Variants in CLASP1 observed in about 807,000 individuals in gnomAD.
CLASP1 encodes the protein cytoplasmic linker associated protein 1.
Under a neutral mutation model 192.3 loss-of-function variants are expected in CLASP1, and 38 were observed. That is an observed-to-expected ratio of 0.20 (90% CI 0.15 to 0.26). The LOEUF (loss-of-function observed/expected upper bound fraction) is 0.26. CLASP1 is among the 10% of genes least tolerant of loss of function. CLASP1 has a pLI of 1.00. For missense variants in CLASP1, 1,433 were observed against 1,932.5 expected (o/e 0.74, Z 4.85); for synonymous variants, 691 against 712.8 (o/e 0.97, Z 0.49).
intron 29 of CLASP1, 99 bp from the exon 31 acceptor site, chr2:121,397,382 G>T (rs1332918756): frequency 3.0e-6 from 3 of 988,144 alleles, no homozygotes; most frequent in African/African-American, 3.2e-5. Context: ...TGGTGAGGGG[G>T]ATCTCCTTCC....
chr2:121,497,111 G>C (rs2093566587), intron 8 of CLASP1, among the ~76,000 whole-genome samples: 1 of 152,134 alleles, frequency 6.6e-6, no homozygotes, highest in African/African-American at 2.4e-5. Flanking sequence ...ATGTATATAA[G>C]TGTATTTATT....
At position 121,419,531 on chromosome 2, in the gene CLASP1, G is replaced by C. The variant is rs373475453; in HGVS notation, c.2213-802C>G. Among the ~76,000 whole-genome samples the C allele has an allele frequency of 1.1e-4, 16 of 152,220 alleles. No individual in the cohort carries two copies. In the East Asian group the frequency reaches 2.3e-3, roughly 22 times the overall value. On this transcript the variant is annotated intron_variant, in intron 22 of 39. Coordinates refer to ENST00000263710, the Ensembl canonical transcript of CLASP1. ...TCAATACTCTCAGTATTTGGGGAAA[G>C]ATCTCTCCACTGACCTGAGAACAGC...
chr2:121,521,481 C>T (rs1347924824), intron 6 of CLASP1, among the ~76,000 whole-genome samples: 2 of 152,158 alleles, frequency 1.3e-5, no homozygotes, highest in Non-Finnish European at 2.9e-5. Flanking sequence ...CCCAAGACTC[C>T]GGCTCCGAGC....
At chr2:121,448,149 C>T (rs946669525) in intron 18 of CLASP1, 127 bp downstream of exon 18, 1 of 774,214 alleles carries the variant, frequency 1.3e-6, no homozygotes, top group Non-Finnish European at 2.2e-6. Context: ...GCAGAGCAGG[C>T]AACATTCAAG....
At chr2:121,404,636 G>A (rs1207492538) in intron 25 of CLASP1, among the ~76,000 whole-genome samples, 1 of 152,008 alleles carries the variant, frequency 6.6e-6, no homozygotes, top group East Asian at 1.9e-4. Context: ...TAATTTTTTT[G>A]ATCAGTCAAC....
At chr2:121,470,229 T>G (rs1361274331) in intron 8 of CLASP1, 1 of 512,168 alleles carries the variant, frequency 2.0e-6, no homozygotes. Context: ...GAAAACAATC[T>G]CTCATAAAAC....
chr2:121,587,399 C>T (rs1253271678), intron 2 of CLASP1, among the ~76,000 whole-genome samples: 1 of 152,168 alleles, frequency 6.6e-6, no homozygotes, highest in East Asian at 1.9e-4. Flanking sequence ...CTTTCCTAAT[C>T]CCCCTACCAC....
intron 2 of CLASP1, among the ~76,000 whole-genome samples, chr2:121,575,844 A>G (rs1186761142): frequency 6.6e-6 from 1 of 152,262 alleles, no homozygotes; most frequent in Non-Finnish European, 1.5e-5. Context: ...TCCAGGCTCA[A>G]GACCTGTTAC....
At chr2:121,440,111 A>C (rs1458672178) in intron 19 of CLASP1, among the ~76,000 whole-genome samples, 5 of 151,794 alleles carry the variant, frequency 3.3e-5, no homozygotes, top group Admixed American at 6.6e-5. Context: ...AAAAAAAAAA[A>C]AACTAAGCCC....
chr2:121,546,509 G>A (rs1420600511), intron 2 of CLASP1, among the ~76,000 whole-genome samples: 1 of 152,040 alleles, frequency 6.6e-6, no homozygotes, highest in Admixed American at 6.6e-5. Flanking sequence ...CCACTTGGGA[G>A]TGAAATGGAG....
chr2:121,405,963 G>A (rs891859911), intron 25 of CLASP1, among the ~76,000 whole-genome samples: 2 of 152,130 alleles, frequency 1.3e-5, no homozygotes, highest in Non-Finnish European at 2.9e-5. Flanking sequence ...ACCCAAGAGG[G>A]ATGCCCATCT....
At chr2:121,509,503 A>G (rs2094048079) in intron 7 of CLASP1, among the ~76,000 whole-genome samples, 1 of 152,162 alleles carries the variant, frequency 6.6e-6, no homozygotes, top group Non-Finnish European at 1.5e-5. Flanking sequence ...TACATGGAAC[A>G]TTATCCAGGA....
chr2:121,543,878 C>A (rs781362193), intron 2 of CLASP1, among the ~76,000 whole-genome samples: 9 of 152,120 alleles, frequency 5.9e-5, no homozygotes, highest in Non-Finnish European at 8.8e-5. Context: ...GATAGGAAAT[C>A]ATGGGGCAGT....
chr2:121,542,584 C>G (rs2095256058), intron 2 of CLASP1, among the ~76,000 whole-genome samples: 1 of 152,218 alleles, frequency 6.6e-6, no homozygotes, highest in South Asian at 2.1e-4. Context: ...TGTTATCCTT[C>G]AAAGCAGTCA....
At chr2:121,489,806 A>G (rs1013342324) in intron 8 of CLASP1, among the ~76,000 whole-genome samples, 1 of 152,210 alleles carries the variant, frequency 6.6e-6, no homozygotes, top group East Asian at 1.9e-4. Flanking sequence ...ATAAACAATG[A>G]CTTAAGACAG....
intron 1 of CLASP1, among the ~76,000 whole-genome samples, chr2:121,644,966 C>CAAA (rs74265895): frequency 1.8e-5 from 2 of 112,676 alleles, no homozygotes; most frequent in African/African-American, 5.9e-5. Context: ...AAAAAAAAAA[C>CAAA]AAAAAAAAAA....
intron 1 of CLASP1, among the ~76,000 whole-genome samples, chr2:121,631,256 CAT>C (rs1008064057): frequency 3.4e-5 from 5 of 145,338 alleles, no homozygotes; most frequent in Non-Finnish European, 4.5e-5. Context: ...AAAAATGACA[CAT>C]GACATGTTTC....
rs114962451 is a variant in CLASP1, at chr2:121,526,146, G to A, written c.471-226C>T. On this transcript the variant is annotated intron_variant, in intron 5 of 39. Coordinates refer to ENST00000263710, the Ensembl canonical transcript of CLASP1. ...CTTCTCCCAGATAAGTCTTCGTCCT[G>A]TCCCCCAGGGCTCTGGCCAATCTGG... 9.5e-3 allele frequency among the ~76,000 whole-genome samples: 1,444 copies of A among 152,306 alleles called. 23 individuals are homozygous for A. The highest frequency in any genetic ancestry group is 0.033 in the African/African-American group (1,356 of 41,576).
chr2:121,470,168 C>T, intron 8 of CLASP1: 1 of 639,766 alleles, frequency 1.6e-6, no homozygotes, highest in Non-Finnish European at 2.8e-6. Flanking sequence ...CTTTCACATA[C>T]CCAGAATACT....
Sources: allele counts gnomAD v4.1 joint callset (sites outside exome capture counted in the v4.1 genomes callset), GRCh38; gene constraint gnomAD v4.1.1; transcripts MANE v1.5; gene names NCBI Gene and HGNC (gene_info 2026-07-23, HGNC 2026-07-21).